The following HPSE2 variants were observed in gnomAD, a reference collection of about 807,000 sequenced individuals.
HPSE2 encodes the protein heparanase 2 (inactive), also known as inactive heparanase-2.
Under a neutral mutation model 60.5 loss-of-function variants are expected in HPSE2, and 38 were observed. That is an observed-to-expected ratio of 0.63 (90% CI 0.48 to 0.82). The LOEUF (loss-of-function observed/expected upper bound fraction) is 0.82, where lower values mean the gene tolerates loss of function less well. Ranked by LOEUF, HPSE2 falls within the 40% of genes least tolerant of loss-of-function variation. HPSE2 has a pLI of 0.00. For missense variants in HPSE2, 713 were observed against 740.4 expected (o/e 0.96, Z 0.43); for synonymous variants, 295 against 293.2 (o/e 1.01, Z -0.06).
chr10:99,225,686 A>G (rs1849450101), intron 2 of HPSE2, among the ~76,000 whole-genome samples: 1 of 152,076 alleles, frequency 6.6e-6, no homozygotes, highest in South Asian at 2.1e-4. Flanking sequence ...GATGGGAGAG[A>G]GCAAGTGTCA....
intron 9 of HPSE2, among the ~76,000 whole-genome samples, chr10:98,544,139 C>T (rs948073743): frequency 6.6e-6 from 1 of 152,120 alleles, no homozygotes; most frequent in South Asian, 2.1e-4. Context: ...TCTCTCAGAC[C>T]ACAGTGCAAT....
intron 3 of HPSE2, among the ~76,000 whole-genome samples, chr10:98,768,948 G>A (rs558443570): frequency 2.6e-5 from 4 of 152,218 alleles, no homozygotes; most frequent in South Asian, 2.1e-4. Flanking sequence ...TACTCAGACC[G>A]AAGCAGGAGA....
At chr10:98,723,192 A>G (rs1422160205) in intron 4 of HPSE2, among the ~76,000 whole-genome samples, 1 of 152,152 alleles carries the variant, frequency 6.6e-6, no homozygotes, top group African/African-American at 2.4e-5. Flanking sequence ...GAATTTTGTC[A>G]AAGGCCTTTT....
chr10:98,465,016 A>G (rs1940467661), intron 11 of HPSE2, among the ~76,000 whole-genome samples: 1 of 152,182 alleles, frequency 6.6e-6, no homozygotes, highest in East Asian at 1.9e-4. Context: ...GTTTTGTGAG[A>G]CCTTGAGTCC....
At chr10:99,213,151 T>C (rs1397052746) in intron 2 of HPSE2, among the ~76,000 whole-genome samples, 1 of 152,098 alleles carries the variant, frequency 6.6e-6, no homozygotes, top group Non-Finnish European at 1.5e-5. Context: ...AAACATTCTC[T>C]TACAGAAAAA....
At chr10:99,271,917 TG>T in the HPSE2 span, among the ~76,000 whole-genome samples, 1 of 152,218 alleles carries the variant, frequency 6.6e-6, no homozygotes, top group Non-Finnish European at 1.5e-5. Context: ...CAAATGGTGC[TG>T]GGATAACTGG....
intron 5 of HPSE2, among the ~76,000 whole-genome samples, chr10:98,705,507 A>C (rs1289168831): frequency 6.6e-6 from 1 of 152,204 alleles, no homozygotes; most frequent in Non-Finnish European, 1.5e-5. Context: ...GAACCAACCC[A>C]AATGCCCTTT....
the HPSE2 span, among the ~76,000 whole-genome samples, chr10:99,280,445 A>G: frequency 6.6e-6 from 1 of 152,208 alleles, no homozygotes; most frequent in Non-Finnish European, 1.5e-5. Context: ...AACGGAACAA[A>G]ATGGGCATTT....
intron 3 of HPSE2, among the ~76,000 whole-genome samples, chr10:98,815,326 A>G (rs755369420): frequency 4.9e-4 from 74 of 152,208 alleles, no homozygotes; most frequent in Non-Finnish European, 9.0e-4. Flanking sequence ...CAAGACAGGC[A>G]GTATATAACA....
chr10:98,771,895 G>A lies in HPSE2; in HGVS notation c.611-27839C>T, dbSNP rs145829104. ...CAGGTATGTATAAAAGAGACTGAAG[G>A]AAGTGGTTGGAATGGATATATTAAT... On this transcript the variant is annotated intron_variant, in intron 3 of 11. Transcript: ENST00000370552. Among the ~76,000 whole-genome samples, 562 of 152,284 alleles carry A rather than the reference G, an allele frequency of 3.7e-3. 4 individuals are homozygous for A. Among genetic ancestry groups the A allele is most frequent in the African/African-American group, 0.013 (543 of 41,566 alleles).
chr10:99,151,955 T>C (rs1846283602), intron 2 of HPSE2, among the ~76,000 whole-genome samples: 3 of 151,576 alleles, frequency 2.0e-5, no homozygotes, highest in East Asian at 1.9e-4. Flanking sequence ...TGACAACCAA[T>C]AATTCTATGT....
intron 6 of HPSE2, among the ~76,000 whole-genome samples, chr10:98,662,101 G>T (rs964482998): frequency 6.6e-6 from 1 of 152,090 alleles, no homozygotes; most frequent in Non-Finnish European, 1.5e-5. Flanking sequence ...CACCATGTTG[G>T]CCAGGATGGT....
intron 3 of HPSE2, among the ~76,000 whole-genome samples, chr10:98,925,579 TG>T (rs1417596575): frequency 6.6e-6 from 1 of 152,074 alleles, no homozygotes; most frequent in Non-Finnish European, 1.5e-5. Flanking sequence ...TATCAACCAA[TG>T]GGGATGAAGT....
chr10:98,888,158 AC>A (rs1953225065), intron 3 of HPSE2, among the ~76,000 whole-genome samples: 2 of 151,370 alleles, frequency 1.3e-5, no homozygotes, highest in Non-Finnish European at 2.9e-5. Context: ...ACACACACAC[AC>A]ACACACACAC....
At chr10:98,937,418 C>T (rs1457531569) in intron 3 of HPSE2, among the ~76,000 whole-genome samples, 4 of 144,444 alleles carry the variant, frequency 2.8e-5, no homozygotes, top group Non-Finnish European at 6.0e-5. Flanking sequence ...TAAAAAACGG[C>T]GCACCAGGAG....
intron 3 of HPSE2, among the ~76,000 whole-genome samples, chr10:98,940,280 T>C (rs1182043231): frequency 2.2e-5 from 3 of 139,096 alleles, no homozygotes; most frequent in East Asian, 2.0e-4. Flanking sequence ...TTCAAAAAAT[T>C]AATGAATCCA....
In HPSE2 at chr10:98,923,883, A is replaced by G. The variant is rs539902062; in HGVS notation, c.611-179827T>C. On this transcript the variant is annotated intron_variant, in intron 3 of 11. Transcript: ENST00000370552. ...TCTGTCTGAAACGTCATATATATCT[A>G]TCTCTCTGGGATTGATCCCTGGTAC... 8.2e-4 allele frequency among the ~76,000 whole-genome samples: 125 copies of G among 152,182 alleles called. 1 individual carries two copies. The highest frequency in any genetic ancestry group is 2.7e-3 in the African/African-American group (113 of 41,532).
intron 3 of HPSE2, among the ~76,000 whole-genome samples, chr10:99,088,905 G>GC (rs1341069870): frequency 1.3e-5 from 2 of 151,920 alleles, no homozygotes; most frequent in African/African-American, 4.8e-5. Flanking sequence ...GAGTAAGATG[G>GC]TATCACATGC....
At chr10:99,222,627 T>C (rs1849350915) in intron 2 of HPSE2, among the ~76,000 whole-genome samples, 1 of 152,182 alleles carries the variant, frequency 6.6e-6, no homozygotes, top group Non-Finnish European at 1.5e-5. Flanking sequence ...TTTCCTGAAA[T>C]TTCCCTTACA....
Sources: gnomAD v4.1 joint callset for allele counts (sites outside exome capture counted in the v4.1 genomes callset) on GRCh38, gnomAD v4.1.1 for gene constraint, MANE v1.5 for transcripts, NCBI Gene and HGNC (gene_info 2026-07-23, HGNC 2026-07-21) for gene names.